The following SLC6A13 variants were observed in gnomAD, a reference collection of about 807,000 sequenced individuals.
SLC6A13 encodes sodium- and chloride-dependent GABA transporter 2.
Under a neutral mutation model 72.9 loss-of-function variants are expected in SLC6A13, and 69 were observed. The observed-to-expected ratio is 0.95, with a 90% CI of 0.78 to 1.16. SLC6A13 has a LOEUF of 1.16. Ranked by LOEUF, SLC6A13 falls within the 50% of genes most tolerant of loss-of-function variation. The pLI is 0.00. For missense variants in SLC6A13, 735 were observed against 760.5 expected, an observed-to-expected ratio of 0.97 and a Z score of 0.39; for synonymous variants, 303 against 303.0, an observed-to-expected ratio of 1.00 and a Z score of 0.00.
chr12:229,695 G>C lies in SLC6A13; in HGVS notation c.832-2027C>G, dbSNP rs74783464. On this transcript the variant is annotated intron_variant, in intron 7 of 14. Coordinates refer to ENST00000343164, the MANE Select transcript of SLC6A13 (RefSeq NM_016615.5). Reference sequence around the variant, plus strand: ...TGTGTCCCGGGAGCCCGGAGTCCTCGCGCCTTGGACATTTGCTCCCAGGCC... The same window carrying C: ...TGTGTCCCGGGAGCCCGGAGTCCTCCCGCCTTGGACATTTGCTCCCAGGCC... 4.6e-5 allele frequency among the ~76,000 whole-genome samples: 7 copies of C among 152,314 alleles called. No individual in the cohort carries two copies. The East Asian group carries it at 1.2e-3, about 25-fold the overall frequency.
chr12:257,253 C>T (rs1455792844), intron 2 of SLC6A13: 2 of 152,158 alleles, frequency 1.3e-5, no homozygotes, highest in South Asian at 2.1e-4. Flanking sequence ...CACACACATC[C>T]TTGATCAGCC....
At position 227,656 on chromosome 12, in the gene SLC6A13, C is replaced by A. The variant is rs772795576; in HGVS notation, c.844G>T (p.Ala282Ser). Residue 282 changes from alanine (A) to serine (S), a missense_variant, in exon 8 of 15, where the codon GCA becomes TCA. Physicochemically the swap from Ala to Ser is moderately conservative, Grantham distance 99 (BLOSUM62 1). Coordinates refer to ENST00000343164, the MANE Select transcript of SLC6A13 (RefSeq NM_016615.5). ...RLWDPQVWMD[A>S]GTQIFFSFAI... ...AAGGAGAAGAATATCTGGGTGCCTG[C>A]ATCCATCCACACCTACAAAGGGGAA... is the stretch of plus-strand genomic sequence containing the variant. 1.9e-6 allele frequency: 3 copies of A among 1,608,422 alleles called. No individual in the cohort carries two copies. Among genetic ancestry groups the A allele is most frequent in the South Asian group, 2.2e-5 (2 of 90,126 alleles).
chr12:227,435 G>A, intron 8 of SLC6A13, 130 bp downstream of exon 8: 2 of 1,483,514 alleles, frequency 1.3e-6, no homozygotes, highest in Non-Finnish European at 1.8e-6. Context: ...CTGGGGTGTT[G>A]GATATGGGGG....
chr12:224,251 T>G (rs760090376), intron 10 of SLC6A13, 122 bp from the exon 11 acceptor site: 2 of 1,433,268 alleles, frequency 1.4e-6, no homozygotes, highest in Non-Finnish European at 1.9e-6. Flanking sequence ...TCCCCTGAGC[T>G]ATTGTCCTTG....
At chr12:246,132 A>AAAATAAATGAATAAAT (rs374765064) in intron 2 of SLC6A13, among the ~76,000 whole-genome samples, 210 of 147,002 alleles carry the variant, frequency 1.4e-3, no homozygotes, top group Middle Eastern at 3.5e-3. Flanking sequence ...AATAAAAGTA[A>AAAATAAATGAATAAAT]AAATAAATAA....
chr12:242,851 C>T, intron 3 of SLC6A13, 97 bp from the exon 4 acceptor site: 1 of 1,164,836 alleles, frequency 8.6e-7, no homozygotes, highest in South Asian at 1.8e-5. Context: ...AGAGGATTGT[C>T]TGAGGCTGGG....
intron 3 of SLC6A13, 121 bp from the exon 4 acceptor site, chr12:242,875 A>G (rs1942217629): frequency 3.9e-6 from 3 of 761,396 alleles, no homozygotes; most frequent in Non-Finnish European, 5.9e-6. Context: ...TCAATTTACC[A>G]TTGAGGGAAA....
chr12:227,532 G>T (rs1036670484), intron 8 of SLC6A13, 33 bp downstream of exon 8: 1 of 1,612,550 alleles, frequency 6.2e-7, no homozygotes, highest in African/African-American at 1.3e-5. Flanking sequence ...GAGAGATGCA[G>T]GTGTGTGGCT....
At chr12:241,011 C>A (rs1942145390) in intron 4 of SLC6A13, among the ~76,000 whole-genome samples, 2 of 152,124 alleles carry the variant, frequency 1.3e-5, no homozygotes, top group Non-Finnish European at 2.9e-5. Flanking sequence ...CTTATCTGAG[C>A]AAGAAAGAAT....
At chr12:259,412 T>A in intron 2 of SLC6A13, 1 of 1,077,750 alleles carries the variant, frequency 9.3e-7, no homozygotes, top group Admixed American at 4.7e-5. Flanking sequence ...AGTTTGGTTA[T>A]CAACGTCATC....
chr12:245,454 G>A (rs1057269727), intron 2 of SLC6A13, among the ~76,000 whole-genome samples: 1 of 152,164 alleles, frequency 6.6e-6, no homozygotes, highest in Non-Finnish European at 1.5e-5. Flanking sequence ...GGCTGAGGTG[G>A]ACAGATCACC....
At position 229,810 on chromosome 12, in the gene SLC6A13, C is replaced by T. The variant is rs144417929; in HGVS notation, c.832-2142G>A. 1.6e-3 allele frequency among the ~76,000 whole-genome samples: 247 copies of T among 152,282 alleles called. 1 individual carries two copies. Among genetic ancestry groups the T allele is most frequent in the African/African-American group, 5.8e-3 (241 of 41,558 alleles). On this transcript the variant is annotated intron_variant, in intron 7 of 14. Coordinates refer to ENST00000343164, the MANE Select transcript of SLC6A13 (RefSeq NM_016615.5). ...CACATTCAGAGGCACAAGCCTGATACGGGCATCTTTGTGAACTTGTGCTTG... is the reference window on the plus strand; with the variant it reads ...CACATTCAGAGGCACAAGCCTGATATGGGCATCTTTGTGAACTTGTGCTTG...
In SLC6A13 at chr12:226,491, A is replaced by C; in HGVS notation, c.959T>G (p.Leu320Arg). ...CYRDCIALCF[L>R]NSGTSFVAGF... ...GGCCACAAAGCTGGTGCCGCTGTTGAGGAAGCAGAGGGCGATGCAGTCCCT... is the reference window on the plus strand; with the variant it reads ...GGCCACAAAGCTGGTGCCGCTGTTGCGGAAGCAGAGGGCGATGCAGTCCCT... The change falls in exon 9 of 15, where the codon CTC becomes CGC. Residue 320 changes from leucine to arginine, a missense_variant. By Grantham distance (102) the Leu-to-Arg change is moderately radical. Coordinates refer to ENST00000343164, the MANE Select transcript of SLC6A13 (RefSeq NM_016615.5). The C allele has an allele frequency of 2.5e-6, 4 of 1,613,990 alleles. No homozygotes were observed. Among genetic ancestry groups the C allele is most frequent in the Non-Finnish European group, 3.4e-6 (4 of 1,179,896 alleles).
At chr12:227,699 TC>T (rs1374536925) in intron 7 of SLC6A13, 31 bp from the exon 8 acceptor site, 1 of 1,557,044 alleles carries the variant, frequency 6.4e-7, no homozygotes. Context: ...AAAGGTGAAC[TC>T]CCAGGAAAGC....
At chr12:250,058 C>A (rs2137308875) in intron 2 of SLC6A13, among the ~76,000 whole-genome samples, 1 of 152,172 alleles carries the variant, frequency 6.6e-6, no homozygotes, top group East Asian at 1.9e-4. Flanking sequence ...ATGATCATTT[C>A]ATAGGTACAG....
At chr12:244,157 T>C (rs1942268025) in intron 2 of SLC6A13, among the ~76,000 whole-genome samples, 1 of 152,206 alleles carries the variant, frequency 6.6e-6, no homozygotes, top group South Asian at 2.1e-4. Flanking sequence ...CAGCCCACAG[T>C]CTATAATTCT....
At chr12:233,760 A>C (rs999058040) in intron 7 of SLC6A13, among the ~76,000 whole-genome samples, 4 of 152,166 alleles carry the variant, frequency 2.6e-5, no homozygotes, top group African/African-American at 9.7e-5. Context: ...TACTAGAAAT[A>C]CTACCCTAGT....
intron 2 of SLC6A13, among the ~76,000 whole-genome samples, chr12:244,622 C>T (rs1025236614): frequency 3.3e-5 from 5 of 151,914 alleles, no homozygotes; most frequent in African/African-American, 9.7e-5. Flanking sequence ...CCTGGGAGTT[C>T]GAGGCTGCAG....
chr12:253,486 G>T (rs146814935), intron 2 of SLC6A13: 1 of 152,266 alleles, frequency 6.6e-6, no homozygotes. Context: ...AAACAGCACA[G>T]GGCTAATGGT....
Sources: gnomAD v4.1 joint callset for allele counts (sites outside exome capture counted in the v4.1 genomes callset) on GRCh38, gnomAD v4.1.1 for gene constraint, MANE v1.5 for transcripts, NCBI Gene and HGNC (gene_info 2026-07-23, HGNC 2026-07-21) for gene names.